The following PDK4 variants were observed in gnomAD, a reference collection of about 807,000 sequenced individuals.
PDK4 encodes the protein pyruvate dehydrogenase kinase 4.
PDK4 carries 43 observed loss-of-function variants against 51.7 expected under a neutral mutation model. The ratio of observed to expected loss-of-function variants is 0.83; its 90% confidence interval spans 0.65 to 1.07. The LOEUF is 1.07. Among genes scored for constraint, PDK4 ranks in the 50% least tolerant of loss-of-function variants. The pLI is 0.00. For missense variants in PDK4, 498 were observed against 503.5 expected (o/e 0.99, Z 0.10); for synonymous variants, 170 against 176.6 (o/e 0.96, Z 0.30).
rs1343180866 is a variant in PDK4 at position 95,591,997 on chromosome 7, G to A, written c.685C>T (p.Gln229Ter). Residue 229 changes from glutamine to a stop codon, truncating the protein, a stop_gained, in exon 6 of 11, where the codon CAA (glutamine) becomes TAA (stop). Transcript: ENST00000005178. LOFTEE classifies it high-confidence loss of function. ...YLSSPELKLT[Q>*]VNGKFPDQPI... is the part of the protein sequence containing the mutation. ...TTTACTTATAACTTACCATTCACTTGTGTAAGCTTTAATTCTGGAGATGAT... is the reference window on the plus strand; with the variant it reads ...TTTACTTATAACTTACCATTCACTTATGTAAGCTTTAATTCTGGAGATGAT... 3 of 1,494,788 alleles carry A rather than the reference G, an allele frequency of 2.0e-6. No homozygotes were observed. The highest frequency in any genetic ancestry group is 2.8e-6 in the Non-Finnish European group (3 of 1,088,578). The allele number at this position is 1,494,788 out of a possible 1,614,324, so 92.6% of individuals were successfully genotyped here.
intron 7 of PDK4, among the ~76,000 whole-genome samples, 168 bp from the exon 8 acceptor site, chr7:95,587,993 T>C (rs1447808366): frequency 1.3e-5 from 2 of 152,202 alleles, no homozygotes; most frequent in African/African-American, 4.8e-5. Flanking sequence ...GAATGGGTCA[T>C]GTAGGATGTA....
At position 95,593,784 on chromosome 7, in the gene PDK4, G is replaced by C. The variant is rs368005050; in HGVS notation, c.273-14C>G. On this transcript the variant is annotated splice_polypyrimidine_tract_variant and intron_variant, in intron 2 of 10. Transcript: ENST00000005178. ...CTCTGTATATACCTGTAAAGAAACAGGTATGCTTTAAGTTTTAAAATTAAT... is the reference window on the plus strand; with the variant it reads ...CTCTGTATATACCTGTAAAGAAACACGTATGCTTTAAGTTTTAAAATTAAT... 2 of 1,321,444 alleles carry C rather than the reference G, an allele frequency of 1.5e-6. No homozygotes were observed. The highest frequency in any genetic ancestry group is 2.9e-5 in the African/African-American group (2 of 68,346). The allele number at this position is 1,321,444 out of a possible 1,614,324, so 81.9% of individuals were successfully genotyped here.
At chr7:95,587,377 C>A (rs1270284832) in intron 9 of PDK4, 41 bp downstream of exon 9, 2 of 1,164,204 alleles carry the variant, frequency 1.7e-6, no homozygotes, top group Non-Finnish European at 2.6e-6. Flanking sequence ...ACATTTAGAA[C>A]TAGGTGGCTG....
At chr7:95,594,503 C>A (rs896978075) in intron 2 of PDK4, among the ~76,000 whole-genome samples, 1 of 151,500 alleles carries the variant, frequency 6.6e-6, no homozygotes, top group South Asian at 2.1e-4. Context: ...ATACTTTAAT[C>A]TCTTTAATAA....
At chr7:95,587,895 T>A in intron 7 of PDK4, 70 bp from the exon 8 acceptor site, 1 of 965,594 alleles carries the variant, frequency 1.0e-6, no homozygotes, top group Non-Finnish European at 1.6e-6. Context: ...TTTTTTTTTA[T>A]GTTTAAAATA....
In PDK4 at chr7:95,585,514, T is replaced by A; in HGVS notation, c.*127A>T. ...AGCTCCATTCCTCATTGGATCAGTG[T>A]TCTGATTAAGGAGTTTTCGTTGCTG... On this transcript the variant is annotated 3_prime_UTR_variant, in exon 11 of 11. Coordinates refer to ENST00000005178, the MANE Select transcript of PDK4 (RefSeq NM_002612.4). The A allele has an allele frequency of 2.6e-6, 2 of 757,714 alleles. No individual in the cohort carries two copies. Among genetic ancestry groups the A allele is most frequent in the East Asian group, 5.1e-5 (2 of 39,484 alleles). 46.9% of individuals were successfully genotyped at this position (757,714 alleles called of 1,614,324 possible).
intron 6 of PDK4, 35 bp from the exon 7 acceptor site, chr7:95,589,751 A>T: frequency 9.0e-7 from 1 of 1,115,668 alleles, no homozygotes; most frequent in Middle Eastern, 2.0e-4. Flanking sequence ...ATTTGTAAAC[A>T]AATACTTCAC....
At chr7:95,592,412 T>A in intron 5 of PDK4, 99 bp downstream of exon 5, 1 of 766,182 alleles carries the variant, frequency 1.3e-6, no homozygotes, top group Non-Finnish European at 2.3e-6. Context: ...TGGAACACTC[T>A]GTGAATATAA....
intron 6 of PDK4, 94 bp from the exon 7 acceptor site, chr7:95,589,810 G>A (rs1470889572): frequency 2.7e-6 from 2 of 739,060 alleles, no homozygotes; most frequent in Non-Finnish European, 4.8e-6. Flanking sequence ...ACTTCAAGAG[G>A]GTTGGCATAT....
intron 10 of PDK4, among the ~76,000 whole-genome samples, chr7:95,586,440 G>A (rs1193250324): frequency 2.6e-5 from 4 of 152,006 alleles, no homozygotes; most frequent in African/African-American, 9.7e-5. Context: ...TGATCCACCT[G>A]CCTCGGCCTC....
rs1194878638 is a variant in PDK4 at position 95,596,212 on chromosome 7, A to T, written c.82T>A (p.Ser28Thr). 6.2e-7 allele frequency: 1 copy of T among 1,607,378 alleles called. No individual in the cohort carries two copies. Among genetic ancestry groups the T allele is most frequent in the Non-Finnish European group, 8.5e-7 (1 of 1,176,982 alleles). ...GLVPREVEHF[S>T]RYSPSPLSMK... Reference sequence around the variant, plus strand: ...GACAGCGGGGACGGGCTGTAGCGCGAGAAATGCTCCACCTCTCGGGGCACC... The same window carrying T: ...GACAGCGGGGACGGGCTGTAGCGCGTGAAATGCTCCACCTCTCGGGGCACC... The change falls in exon 1 of 11, where the codon TCG (serine) becomes ACG (threonine). Residue 28 changes from serine (S) to threonine (T), a missense_variant. Coordinates refer to ENST00000005178, the MANE Select transcript of PDK4 (RefSeq NM_002612.4).
intron 8 of PDK4, 60 bp downstream of exon 8, chr7:95,587,667 A>T: frequency 8.0e-7 from 1 of 1,255,598 alleles, no homozygotes; most frequent in South Asian, 1.2e-5. Context: ...CAGCTTTATT[A>T]CTATTGACCC....
intron 6 of PDK4, among the ~76,000 whole-genome samples, chr7:95,590,620 A>G (rs931487730): frequency 2.0e-5 from 3 of 152,160 alleles, no homozygotes; most frequent in African/African-American, 7.2e-5. Context: ...GATACGTTCC[A>G]TTCTTTATTT....
At chr7:95,593,405 C>T (rs10243879) in intron 3 of PDK4, among the ~76,000 whole-genome samples, 76,151 of 151,806 alleles carry the variant, frequency 0.5, 20,082 homozygotes, top group East Asian at 0.92. Flanking sequence ...TGTATTAAAA[C>T]TATGTAATGG....
rs549831176 is a variant in PDK4 at position 95,591,067 on chromosome 7, A to G, written c.694+921T>C. On this transcript the variant is annotated intron_variant, in intron 6 of 10. Coordinates refer to ENST00000005178, the MANE Select transcript of PDK4 (RefSeq NM_002612.4). ...ATCATCTCACCTCAGCCTCCTGAGC[A>G]GCTGGGACTACACGTGTGTGCCACC... Among the ~76,000 whole-genome samples, 3 of 152,220 alleles carry G rather than the reference A, an allele frequency of 2.0e-5. No homozygotes were observed. In the South Asian group the frequency reaches 6.2e-4, roughly 32 times the overall value.
chr7:95,583,982 G>A lies in PDK4; in HGVS notation c.*1659C>T, dbSNP rs1025892010. On this transcript the variant is annotated 3_prime_UTR_variant, in exon 11 of 11. Coordinates refer to ENST00000005178, the MANE Select transcript of PDK4 (RefSeq NM_002612.4). Reference sequence around the variant, plus strand: ...AAAAACTGAAATCCACAAAAAAATAGTTGAGCTTCTATTACCATTACCAGA... The same window carrying A: ...AAAAACTGAAATCCACAAAAAAATAATTGAGCTTCTATTACCATTACCAGA... 1.4e-4 allele frequency: 22 copies of A among 152,128 alleles called. No homozygotes were observed. Among genetic ancestry groups the A allele is most frequent in the African/African-American group, 5.1e-4 (21 of 41,442 alleles). 9.4% of individuals were successfully genotyped at this position (152,128 alleles called of 1,614,324 possible). A position where few individuals can be genotyped will look rare whatever the true frequency, so the allele number is the denominator to read the frequency against.
Position 95,592,818 on chromosome 7 carries a change from A to G in PDK4, c.471T>C (p.Tyr157=). The change falls in exon 4 of 11, where the codon TAT becomes TAC. Residue 157 remains tyrosine, a synonymous_variant. Transcript: ENST00000005178. The stretch of plus-strand genomic sequence containing the variant: ...GGTTCATGTAAAATCGATCCAAGAA[A>G]TATTGAAGATTTTGATTGGTGACTG... ...VDPVTNQNLQ[Y]FLDRFYMNRI... 1 of 1,613,346 alleles carries G rather than the reference A, an allele frequency of 6.2e-7. No homozygotes were observed. Among genetic ancestry groups the G allele is most frequent in the Non-Finnish European group, 8.5e-7 (1 of 1,179,486 alleles).
At chr7:95,590,779 G>A (rs1305968881) in intron 6 of PDK4, among the ~76,000 whole-genome samples, 1 of 152,198 alleles carries the variant, frequency 6.6e-6, no homozygotes, top group Admixed American at 6.5e-5. Context: ...AAATAGAAAA[G>A]AGAAGGTAAT....
intron 9 of PDK4, 91 bp from the exon 10 acceptor site, chr7:95,587,214 G>T: frequency 1.3e-6 from 1 of 785,790 alleles, no homozygotes; most frequent in Non-Finnish European, 2.2e-6. Context: ...TGATACTAAT[G>T]TCCTAGAACC....
Sources: allele counts gnomAD v4.1 joint callset (sites outside exome capture counted in the v4.1 genomes callset), GRCh38; gene constraint gnomAD v4.1.1; transcripts MANE v1.5; gene names NCBI Gene and HGNC (gene_info 2026-07-23, HGNC 2026-07-21).